The following BBS2 variants were observed in gnomAD, a reference collection of about 807,000 sequenced individuals.
BBS2 encodes the protein Bardet-Biedl syndrome 2, also known as BBSome complex member BBS2.
BBS2 carries 62 observed loss-of-function variants against 83.0 expected under a neutral mutation model. The ratio of observed to expected loss-of-function variants is 0.75; its 90% CI spans 0.61 to 0.92. The LOEUF is 0.92. BBS2 is among the 40% of genes least tolerant of loss of function. The pLI is 0.00. For synonymous variants in BBS2, 303 were observed against 326.1 expected (o/e 0.93, Z 0.76); for missense variants, 784 against 901.0 (o/e 0.87, Z 1.66).
At chr16:56,497,994 A>G in intron 13 of BBS2, 114 bp from the exon 14 acceptor site, 1 of 1,073,366 alleles carries the variant, frequency 9.3e-7, no homozygotes, top group Non-Finnish European at 1.3e-6. Flanking sequence ...ATATATATAT[A>G]TGCAGTGTTG....
Position 56,498,434 on chromosome 16 carries a change from T to A in BBS2, c.1659+3A>T, listed in dbSNP as rs6499838. Reference sequence around the variant, plus strand: ...ATCTATGCCCCGTGATATTAAACATTACCTCTCCACTAAGTTTTATTTTTA... The same window carrying A: ...ATCTATGCCCCGTGATATTAAACATAACCTCTCCACTAAGTTTTATTTTTA... On this transcript the variant is annotated splice_donor_region_variant and intron_variant, in intron 13 of 16. Transcript: ENST00000245157. 1.2e-6 allele frequency: 2 copies of A among 1,613,810 alleles called. No homozygotes were observed.
At chr16:56,500,447 G>C (rs933995877) in intron 11 of BBS2, 1 of 253,810 alleles carries the variant, frequency 3.9e-6, no homozygotes, top group Non-Finnish European at 7.7e-6. Context: ...CCAACATGGT[G>C]AACTCCTGTC....
chr16:56,500,144 A>G, intron 11 of BBS2: 1 of 470,444 alleles, frequency 2.1e-6, no homozygotes, highest in Non-Finnish European at 3.9e-6. Flanking sequence ...TTAAAATATC[A>G]TAAAGGGGAT....
Position 56,500,007 on chromosome 16 carries a change from A to G in BBS2, c.1398-100T>C, listed in dbSNP as rs915343831. The G allele has an allele frequency of 4.9e-6, 7 of 1,440,052 alleles. No individual in the cohort carries two copies. The Admixed American group carries it at 1.0e-4, about 21-fold the overall frequency. 89.2% of individuals were successfully genotyped at this position (1,440,052 alleles called of 1,614,324 possible). ...AAAGCCACTTCTGGGTCATCAATTG[A>G]TATTTAAGGGTTTCACTTAAGAAGG... On this transcript the variant is annotated intron_variant, in intron 11 of 16. Transcript: ENST00000245157.
At chr16:56,513,849 T>A (rs554928964) in intron 2 of BBS2, among the ~76,000 whole-genome samples, 2 of 152,206 alleles carry the variant, frequency 1.3e-5, no homozygotes, top group Non-Finnish European at 2.9e-5. Flanking sequence ...ATGTGAATCA[T>A]ATCTTAATAA....
At chr16:56,519,554 C>T (rs1187080867) in intron 1 of BBS2, 192 bp downstream of exon 1, 3 of 585,214 alleles carry the variant, frequency 5.1e-6, no homozygotes, top group South Asian at 2.1e-5. Flanking sequence ...AAAACGTCAA[C>T]TTCTCAGAAA....
In BBS2 at chr16:56,500,837, G is replaced by C; in HGVS notation, c.1397+17C>G. On this transcript the variant is annotated intron_variant, in intron 11 of 16. Coordinates refer to ENST00000245157, the MANE Select transcript of BBS2 (RefSeq NM_031885.5). The stretch of plus-strand genomic sequence containing the variant: ...TAAGTGCTGTCCTGAAATGAACTGT[G>C]ACTTGCAAAGGGTCACCTGCTTCTG... 6.2e-7 allele frequency: 1 copy of C among 1,613,536 alleles called. No homozygotes were observed. Among genetic ancestry groups the C allele is most frequent in the Non-Finnish European group, 8.5e-7 (1 of 1,179,634 alleles).
chr16:56,472,854 T>A (rs184041346), intron 17 of BBS2, among the ~76,000 whole-genome samples: 1 of 152,330 alleles, frequency 6.6e-6, no homozygotes, highest in African/African-American at 2.4e-5. Context: ...ACATCCTTTA[T>A]AACAATAGAA....
In BBS2 at chr16:56,510,039, AG is replaced by A. The variant is rs1237158483; in HGVS notation, c.535-6del. 6.2e-7 allele frequency: 1 copy of A among 1,613,774 alleles called. No homozygotes were observed. The highest frequency in any genetic ancestry group is 1.7e-5 in the Admixed American group (1 of 59,998). On this transcript the variant is annotated splice_polypyrimidine_tract_variant and splice_region_variant and intron_variant, in intron 4 of 16. Transcript: ENST00000245157. Reference sequence around the variant, plus strand: ...ATCCTCAGATCCAACAAGAAGCTGAAGGGGAAATATCATACATGTTCAGGTG... The same window carrying A: ...ATCCTCAGATCCAACAAGAAGCTGAAGGGAAATATCATACATGTTCAGGTG...
chr16:56,480,366 C>CAAAAAAA (rs1157907841), downstream of BBS2, among the ~76,000 whole-genome samples: 2 of 90,224 alleles, frequency 2.2e-5, no homozygotes, highest in African/African-American at 8.4e-5. Flanking sequence ...AAAAAAAAAA[C>CAAAAAAA]AAAAAAAAAA....
intron 16 of BBS2, 86 bp from the exon 17 acceptor site, chr16:56,484,953 C>T (rs1963734279): frequency 1.0e-6 from 1 of 1,001,010 alleles, no homozygotes; most frequent in East Asian, 2.5e-5. Flanking sequence ...AACATAAAAC[C>T]AGGAGGGAAA....
At chr16:56,475,682 G>A in intron 17 of BBS2, 1 of 802,066 alleles carries the variant, frequency 1.2e-6, no homozygotes, top group Admixed American at 2.3e-5. Flanking sequence ...TCTCTGCCAG[G>A]CAATGGTTCT....
Position 56,500,989 on chromosome 16 carries a change from C to G in BBS2, c.1262G>C (p.Gly421Ala). The G allele has an allele frequency of 1.2e-6, 2 of 1,614,066 alleles. No individual in the cohort carries two copies. Among genetic ancestry groups the G allele is most frequent in the Non-Finnish European group, 1.7e-6 (2 of 1,180,012 alleles). ...CACGTGGCTTTCACCTGTAAAAATT[C>G]CTTCTGCAAAAATCAATACTGCTCG... ...IIRAVLIFAE[G>A]IFTGESHVVH... Residue 421 changes from glycine (G) to alanine (A), a missense_variant, in exon 11 of 17, where the codon GGA becomes GCA. Coordinates refer to ENST00000245157, the MANE Select transcript of BBS2 (RefSeq NM_031885.5).
chr16:56,500,212 T>C (rs1964227563), intron 11 of BBS2: 3 of 362,036 alleles, frequency 8.3e-6, no homozygotes, highest in African/African-American at 4.2e-5. Flanking sequence ...GCTGAGGTTA[T>C]GTATGACTGT....
chr16:56,514,493 G>A lies in BBS2; in HGVS notation c.305C>T (p.Ala102Val). The A allele has an allele frequency of 1.2e-6, 2 of 1,614,094 alleles. No individual in the cohort carries two copies. The highest frequency in any genetic ancestry group is 1.7e-6 in the Non-Finnish European group (2 of 1,179,998). ...LLVGTQTNLL[A>V]YDVYNNSDLF... The stretch of plus-strand genomic sequence containing the variant: ...ATCCGAATTATTGTAGACATCATAA[G>A]CCAAAAGATTAGTCTGTGTCCCCAC... Residue 102 changes from alanine (A) to valine (V), a missense_variant, in exon 2 of 17, where the codon GCT becomes GTT. By Grantham distance (64) the Ala-to-Val change is moderately conservative (BLOSUM62 0). Coordinates refer to ENST00000245157, the MANE Select transcript of BBS2 (RefSeq NM_031885.5).
intron 15 of BBS2, among the ~76,000 whole-genome samples, chr16:56,487,875 C>T (rs1963825633): frequency 1.3e-5 from 2 of 152,126 alleles, no homozygotes; most frequent in South Asian, 2.1e-4. Flanking sequence ...AACATCCATA[C>T]ATGAAAGAAT....
chr16:56,484,273 T>TG (rs752234935), downstream of BBS2: 33 of 163,990 alleles, frequency 2.0e-4, no homozygotes, highest in East Asian at 5.2e-4. Flanking sequence ...CCCAAAGTGC[T>TG]AGATTACAGG....
At chr16:56,488,133 T>G (rs1963837245) in intron 15 of BBS2, among the ~76,000 whole-genome samples, 1 of 152,170 alleles carries the variant, frequency 6.6e-6, no homozygotes, top group Non-Finnish European at 1.5e-5. Flanking sequence ...CTGTTCCTCC[T>G]CTGCTCCCAC....
chr16:56,471,285 CG>C (rs1357535225), intron 17 of BBS2, among the ~76,000 whole-genome samples: 2 of 151,024 alleles, frequency 1.3e-5, no homozygotes, highest in East Asian at 3.9e-4. Flanking sequence ...TCACTTGAAC[CG>C]GGGAGGAGGA....
Sources: allele counts gnomAD v4.1 joint callset (sites outside exome capture counted in the v4.1 genomes callset), GRCh38; gene constraint gnomAD v4.1.1; transcripts MANE v1.5; gene names NCBI Gene and HGNC (gene_info 2026-07-23, HGNC 2026-07-21).